Variants in FOXP3 observed in about 807,000 individuals in gnomAD.
FOXP3 encodes forkhead box protein P3.
In FOXP3, 5 loss-of-function variants were observed where a neutral mutation model predicts 31.2. The ratio of observed to expected loss-of-function variants is 0.16; its 90% CI spans 0.08 to 0.34. FOXP3 has a LOEUF of 0.34. Among genes scored for constraint, FOXP3 ranks in the 10% least tolerant of loss-of-function variants. The probability of loss-of-function intolerance (pLI) is 1.00; values close to 1 mark genes in which losing one functional copy is unlikely to be tolerated. For synonymous variants in FOXP3, 141 were observed against 148.8 expected (o/e 0.95, Z 0.38); for missense variants, 251 against 363.0 (o/e 0.69, Z 2.51).
intron 6 of FOXP3, 100 bp downstream of exon 6, chrX:49,256,651 T>A (rs781841072): frequency 1.5e-6 from 1 of 689,114 alleles, no homozygotes; most frequent in African/African-American, 2.1e-5. Flanking sequence ...AGCTCTTGCA[T>A]CTTACTACTT....
intron 1 of FOXP3, 148 bp downstream of exon 1, chrX:49,264,513 T>TTA: frequency 4.9e-6 from 1 of 204,942 alleles, no homozygotes; most frequent in Non-Finnish European, 7.2e-6. Flanking sequence ...TATTCTATTA[T>TTA]TTTTTTAAAG....
In FOXP3 at chrX:49,255,757, T is replaced by C. The variant is rs1173758135; in HGVS notation, c.693A>G (p.Gln231=). ...GTACCATCTCTCTCTGGAGGAGACA[T>C]TGTGCCCTGCCCTTCTCATCCAGAA... The part of the protein sequence containing the change: ...DHLLDEKGRA[Q]CLLQREMVQS... The change falls in exon 7 of 12, where the codon CAA becomes CAG. Residue 231 remains glutamine (Q), a synonymous_variant. Transcript: ENST00000376207. 2 of 1,207,611 alleles carry C rather than the reference T, an allele frequency of 1.7e-6. No homozygotes were observed. The highest frequency in any genetic ancestry group is 3.0e-5 in the East Asian group (1 of 33,740).
At position 49,260,915 on chromosome X, in the gene FOXP3, C is replaced by G. The variant is rs1052072874; in HGVS notation, c.-22-2388G>C. Among the ~76,000 whole-genome samples, 3 of 112,239 alleles carry G rather than the reference C, an allele frequency of 2.7e-5. No homozygotes were observed. The Admixed American group carries it at 2.8e-4, about 10-fold the overall frequency. On this transcript the variant is annotated intron_variant, in intron 1 of 11. Coordinates refer to ENST00000376207, the MANE Select transcript of FOXP3 (RefSeq NM_014009.4). ...CTGCCCTGTCCTGCAGCAGGCTTGG[C>G]CCAGGTGGGGTGACATGGGTGCTGG...
intron 1 of FOXP3, 53 bp from the exon 2 acceptor site, chrX:49,258,580 T>C: frequency 1.0e-6 from 1 of 972,865 alleles, no homozygotes; most frequent in Non-Finnish European, 1.4e-6. Context: ...CGGTATGAGA[T>C]ACTCGACCAC....
chrX:49,257,819 G>T, intron 2 of FOXP3, 51 bp from the exon 3 acceptor site: 1 of 991,810 alleles, frequency 1.0e-6, no homozygotes, highest in Non-Finnish European at 1.4e-6. Context: ...TCACTGTTCT[G>T]TGTCTAATTC....
At chrX:49,253,833 C>CA in intron 9 of FOXP3, 84 bp downstream of exon 9, 1 of 1,109,079 alleles carries the variant, frequency 9.0e-7, no homozygotes, top group Non-Finnish European at 1.2e-6. Flanking sequence ...GAAGGGGCAG[C>CA]ATGGAGCTCC....
Position 49,258,341 on chromosome X carries a change from A to G in FOXP3, c.165T>C (p.His55=), listed in dbSNP as rs781893347. Residue 55 remains histidine (H), a synonymous_variant, in exon 2 of 12, where the codon CAT becomes CAC. Coordinates refer to ENST00000376207, the MANE Select transcript of FOXP3 (RefSeq NM_014009.4). ...TGGGGTTCAAGGAAGAAGAGGAGGC[A>G]TGGGCCCCGCCTCGAAGATCTCGGC... The part of the protein sequence containing the change: ...FQGRDLRGGA[H]ASSSSLNPMP... 9.4e-6 allele frequency: 11 copies of G among 1,165,274 alleles called. No homozygotes were observed. In the South Asian group the frequency reaches 9.5e-5, roughly 10 times the overall value.
At chrX:49,262,150 G>A (rs1246075932) in intron 1 of FOXP3, among the ~76,000 whole-genome samples, 2 of 112,504 alleles carry the variant, frequency 1.8e-5, no homozygotes, top group Non-Finnish European at 3.8e-5. Flanking sequence ...GTGCATGTGT[G>A]CGAGAGGAGG....
At chrX:49,251,868 G>C (rs1182046871) in intron 10 of FOXP3, 103 bp from the exon 11 acceptor site, 15 of 1,151,251 alleles carry the variant, frequency 1.3e-5, no homozygotes, top group Non-Finnish European at 1.4e-5. Flanking sequence ...GAATTGTAGG[G>C]GCAGGTAATC....
At chrX:49,257,112 G>A (rs923440130) in intron 4 of FOXP3, 100 bp from the exon 5 acceptor site, 8 of 746,290 alleles carry the variant, frequency 1.1e-5, no homozygotes, top group South Asian at 7.9e-5. Context: ...CCTGAGCCTC[G>A]AAAACCCTGA....
At chrX:49,264,372 C>A (rs1602692746) in intron 1 of FOXP3, among the ~76,000 whole-genome samples, 2 of 112,363 alleles carry the variant, frequency 1.8e-5, no homozygotes, top group Non-Finnish European at 3.8e-5. Context: ...TTGTTCAAAG[C>A]TCTGAAATCC....
In FOXP3 at chrX:49,250,487, C is replaced by A. The variant is rs2066022018; in HGVS notation, c.*847G>T. The A allele has an allele frequency of 2.0e-6, 1 of 489,036 alleles. No homozygotes were observed. The allele number at this position is 489,036 out of a possible 1,213,427, so 40.3% of individuals were successfully genotyped here. A position where few individuals can be genotyped will look rare whatever the true frequency, so the allele number is the denominator to read the frequency against. On this transcript the variant is annotated 3_prime_UTR_variant, in exon 12 of 12. Transcript: ENST00000376207. ...GGGGACGGTACTGTGGGTTGGGGGC[C>A]TTGGATCCCAAATAAATGAGTAGTT... is the stretch of plus-strand genomic sequence containing the variant.
Position 49,251,272 on chromosome X carries a change from C to A in FOXP3, c.*62G>T. On this transcript the variant is annotated 3_prime_UTR_variant, in exon 12 of 12. Coordinates refer to ENST00000376207, the MANE Select transcript of FOXP3 (RefSeq NM_014009.4). Reference sequence around the variant, plus strand: ...CCAGGGCCTATCATCCCTGCCCCCACCACCTCTGCCTCCCACCAGTTTGGC... The same window carrying A: ...CCAGGGCCTATCATCCCTGCCCCCAACACCTCTGCCTCCCACCAGTTTGGC... The A allele has an allele frequency of 8.6e-7, 1 of 1,161,446 alleles. No individual in the cohort carries two copies. Among genetic ancestry groups the A allele is most frequent in the Admixed American group, 2.3e-5 (1 of 42,747 alleles).
chrX:49,256,411 C>T (rs1602685426), intron 6 of FOXP3, among the ~76,000 whole-genome samples: 1 of 110,758 alleles, frequency 9.0e-6, no homozygotes, highest in East Asian at 2.8e-4. Flanking sequence ...AGCCTGGCTA[C>T]ATGGGTTCAA....
chrX:49,262,302 A>G (rs2066115312), intron 1 of FOXP3, among the ~76,000 whole-genome samples: 1 of 112,676 alleles, frequency 8.9e-6, no homozygotes, highest in African/African-American at 3.2e-5. Flanking sequence ...AATCAGCAAA[A>G]CAGTGTGGCC....
chrX:49,257,805 A>G (rs2066084173), intron 2 of FOXP3, 37 bp from the exon 3 acceptor site: 2 of 1,038,336 alleles, frequency 1.9e-6, no homozygotes, highest in Non-Finnish European at 2.6e-6. Flanking sequence ...GGCCATCCTG[A>G]TCCTCACTGT....
intron 2 of FOXP3, 57 bp from the exon 3 acceptor site, chrX:49,257,825 A>G: frequency 1.1e-6 from 1 of 947,623 alleles, no homozygotes; most frequent in Non-Finnish European, 1.5e-6. Context: ...TTCTGTGTCT[A>G]ATTCAAATAC....
intron 10 of FOXP3, among the ~76,000 whole-genome samples, chrX:49,252,123 G>A (rs1557115692): frequency 9.3e-6 from 1 of 107,155 alleles, no homozygotes; most frequent in Non-Finnish European, 1.9e-5. Context: ...TGGGGAAGGT[G>A]AAGGGTCAGA....
chrX:49,254,321 G>A (rs782430200), intron 8 of FOXP3, among the ~76,000 whole-genome samples: 4 of 111,039 alleles, frequency 3.6e-5, no homozygotes, highest in East Asian at 2.8e-4. Flanking sequence ...TGGTAGAGAT[G>A]GGGTTTCACC....
Sources: allele counts gnomAD v4.1 joint callset (sites outside exome capture counted in the v4.1 genomes callset), GRCh38; gene constraint gnomAD v4.1.1; transcripts MANE v1.5; gene names NCBI Gene and HGNC (gene_info 2026-07-23, HGNC 2026-07-21).